Variants in CLSTN2 observed in about 807,000 individuals in gnomAD.
CLSTN2 encodes the protein calsyntenin 2.
In CLSTN2, 48 loss-of-function variants were observed where a neutral mutation model predicts 101.2. The observed-to-expected ratio is 0.47, with a 90% CI of 0.38 to 0.60. The LOEUF (loss-of-function observed/expected upper bound fraction) is 0.60, where lower values mean the gene tolerates loss of function less well. Among genes scored for constraint, CLSTN2 ranks in the 20% least tolerant of loss-of-function variants. The pLI is 0.00. For synonymous variants in CLSTN2, 481 were observed against 463.6 expected (o/e 1.04, Z -0.48); for missense variants, 1,160 against 1,238.2 (o/e 0.94, Z 0.95).
chr3:140,496,852 C>T (rs1934476757), intron 8 of CLSTN2, among the ~76,000 whole-genome samples: 1 of 152,070 alleles, frequency 6.6e-6, no homozygotes. Flanking sequence ...CCTGTAATCC[C>T]AGCACTTTGG....
At chr3:140,238,126 C>G (rs372514596) in intron 2 of CLSTN2, among the ~76,000 whole-genome samples, 1 of 152,188 alleles carries the variant, frequency 6.6e-6, no homozygotes, top group African/African-American at 2.4e-5. Flanking sequence ...GGCATTAACT[C>G]TAATGCTATA....
chr3:140,562,402 C>G, intron 13 of CLSTN2, 94 bp downstream of exon 13: 6 of 1,227,854 alleles, frequency 4.9e-6, no homozygotes, highest in Non-Finnish European at 3.4e-6. Context: ...TGTGAAGGAG[C>G]ACTGTGAAGC....
intron 1 of CLSTN2, among the ~76,000 whole-genome samples, chr3:140,144,869 G>T (rs977545152): frequency 3.9e-5 from 6 of 152,154 alleles, no homozygotes; most frequent in African/African-American, 1.4e-4. Flanking sequence ...CTTTTCTCCT[G>T]TCTGAAACAA....
intron 2 of CLSTN2, among the ~76,000 whole-genome samples, chr3:140,341,662 G>A (rs904703035): frequency 6.6e-6 from 1 of 152,164 alleles, no homozygotes; most frequent in Admixed American, 6.5e-5. Context: ...TCAGGACCAG[G>A]CACACTGTGT....
At chr3:140,307,246 C>A (rs1249689197) in intron 2 of CLSTN2, among the ~76,000 whole-genome samples, 2 of 152,148 alleles carry the variant, frequency 1.3e-5, no homozygotes, top group Non-Finnish European at 2.9e-5. Context: ...TCTTTATCAG[C>A]AGCATGATAA....
chr3:140,390,543 T>C (rs7630806), intron 2 of CLSTN2, among the ~76,000 whole-genome samples: 62,831 of 152,124 alleles, frequency 0.41, 15,534 homozygotes, highest in South Asian at 0.6. Flanking sequence ...GAACATAACA[T>C]GTGAGATAGA....
intron 1 of CLSTN2, among the ~76,000 whole-genome samples, chr3:140,107,566 G>A (rs2009080364): frequency 6.6e-6 from 1 of 152,130 alleles, no homozygotes; most frequent in Non-Finnish European, 1.5e-5. Context: ...GTCTCTTGAG[G>A]GGAATATTAA....
chr3:140,384,374 G>T (rs1023169122), intron 2 of CLSTN2, among the ~76,000 whole-genome samples: 1 of 152,186 alleles, frequency 6.6e-6, no homozygotes, highest in African/African-American at 2.4e-5. Context: ...GGTCTTTTCT[G>T]CAGGAACCTA....
intron 8 of CLSTN2, among the ~76,000 whole-genome samples, chr3:140,528,955 A>T (rs1288510998): frequency 2.0e-4 from 31 of 152,256 alleles, no homozygotes; most frequent in Admixed American, 2.0e-3. Flanking sequence ...TAGTAGACAT[A>T]ATAGTTGACA....
chr3:140,042,765 C>A (rs1039482309), intron 1 of CLSTN2, among the ~76,000 whole-genome samples: 3 of 152,126 alleles, frequency 2.0e-5, no homozygotes, highest in Non-Finnish European at 2.9e-5. Flanking sequence ...TGAGTGAGAA[C>A]ATGTGGTGTT....
chr3:140,375,924 C>T (rs952636378), intron 2 of CLSTN2, among the ~76,000 whole-genome samples: 2 of 152,150 alleles, frequency 1.3e-5, no homozygotes, highest in African/African-American at 4.8e-5. Context: ...CAGTAAACTA[C>T]TTATGCTAAC....
intron 2 of CLSTN2, among the ~76,000 whole-genome samples, chr3:140,333,106 G>T (rs1015095561): frequency 6.6e-6 from 1 of 152,188 alleles, no homozygotes; most frequent in Non-Finnish European, 1.5e-5. Context: ...GGAGCTCACC[G>T]AATGTTGGAT....
At position 140,562,180 on chromosome 3, in the gene CLSTN2, A is replaced by G. The variant is rs1156508372; in HGVS notation, c.2084A>G (p.Asp695Gly). Residue 695 changes from aspartate to glycine, a missense_variant, in exon 13 of 17, where the codon GAT (aspartate) becomes GGT (glycine). Asp to Gly is a moderately conservative substitution (Grantham distance 94). Coordinates refer to ENST00000458420, the MANE Select transcript of CLSTN2 (RefSeq NM_022131.3). ...TTAGAGGAAATGCTTCATAACTTAG[A>G]TTTCTGTGACATTTTGGTGATCGGA... ...EVLEEMLHNL[D>G]FCDILVIGGD... is the part of the protein sequence containing the mutation. 1.2e-6 allele frequency: 2 copies of G among 1,613,878 alleles called. No individual in the cohort carries two copies. The highest frequency in any genetic ancestry group is 2.7e-5 in the African/African-American group (2 of 74,890).
chr3:140,532,058 C>T (rs1935266252), intron 8 of CLSTN2, among the ~76,000 whole-genome samples: 1 of 152,156 alleles, frequency 6.6e-6, no homozygotes, highest in African/African-American at 2.4e-5. Flanking sequence ...TCCCCAGGTG[C>T]ACCATGGTAA....
chr3:140,014,998 C>T (rs2007171291), intron 1 of CLSTN2, among the ~76,000 whole-genome samples: 1 of 152,178 alleles, frequency 6.6e-6, no homozygotes, highest in Non-Finnish European at 1.5e-5. Context: ...AGACACGGGG[C>T]TCCTGGTCAG....
chr3:140,104,404 G>C (rs1443522804), intron 1 of CLSTN2, among the ~76,000 whole-genome samples: 3 of 152,176 alleles, frequency 2.0e-5, no homozygotes, highest in Admixed American at 2.0e-4. Flanking sequence ...AAAAGACCTA[G>C]GGTTCTTTGT....
chr3:139,944,410 A>G (rs1401398718), intron 1 of CLSTN2, among the ~76,000 whole-genome samples: 4 of 152,196 alleles, frequency 2.6e-5, no homozygotes, highest in African/African-American at 9.7e-5. Context: ...AATCTATGTG[A>G]AGCTCTCCAG....
intron 2 of CLSTN2, among the ~76,000 whole-genome samples, chr3:140,354,026 A>G (rs2087639161): frequency 6.6e-6 from 1 of 152,212 alleles, no homozygotes; most frequent in African/African-American, 2.4e-5. Context: ...ATATTCACCC[A>G]TCACACATTA....
chr3:140,229,778 C>T (rs1363525979), intron 2 of CLSTN2, among the ~76,000 whole-genome samples: 3 of 151,984 alleles, frequency 2.0e-5, no homozygotes, highest in African/African-American at 7.2e-5. Context: ...TCAAGATCTT[C>T]TCTTATAAAG....
Sources: gnomAD v4.1 joint callset for allele counts (sites outside exome capture counted in the v4.1 genomes callset) on GRCh38, gnomAD v4.1.1 for gene constraint, MANE v1.5 for transcripts, NCBI Gene and HGNC (gene_info 2026-07-23, HGNC 2026-07-21) for gene names.